Variants in ETFA observed in about 807,000 individuals in gnomAD.
ETFA encodes electron transfer flavoprotein subunit alpha, mitochondrial.
A neutral mutation model predicts 46.2 loss-of-function variants in ETFA; 22 were observed. The ratio of observed to expected loss-of-function variants is 0.48; its 90% CI spans 0.34 to 0.68. The LOEUF (loss-of-function observed/expected upper bound fraction) is 0.68, where lower values mean the gene tolerates loss of function less well. Ranked by LOEUF, ETFA falls within the 30% of genes least tolerant of loss-of-function variation. ETFA has a pLI of 0.01. For missense variants in ETFA, 345 were observed against 401.1 expected, an observed-to-expected ratio of 0.86 and a Z score of 1.19; for synonymous variants, 131 against 139.9, an observed-to-expected ratio of 0.94 and a Z score of 0.45.
intron 9 of ETFA, among the ~76,000 whole-genome samples, chr15:76,241,005 C>G (rs1189762234): frequency 2.0e-5 from 3 of 151,646 alleles, no homozygotes; most frequent in Non-Finnish European, 2.9e-5. Context: ...TGCTTCTATA[C>G]CAGTTCAGAG....
chr15:76,307,438 A>G (rs1454769182), intron 1 of ETFA, among the ~76,000 whole-genome samples: 4 of 152,180 alleles, frequency 2.6e-5, no homozygotes, highest in Non-Finnish European at 4.4e-5. Context: ...CTTATATCCT[A>G]ATAGTTTAAC....
chr15:76,296,595 T>C (rs2141545654), intron 1 of ETFA, among the ~76,000 whole-genome samples: 1 of 152,332 alleles, frequency 6.6e-6, no homozygotes, highest in African/African-American at 2.4e-5. Context: ...TTTTAAAATA[T>C]GACACTAAAC....
At position 76,276,756 on chromosome 15, in the gene ETFA, G is replaced by C. The variant is rs2039596668; in HGVS notation, c.734-2262C>G. On this transcript the variant is annotated intron_variant, in intron 8 of 11. Transcript: ENST00000557943. ...CCAGTCTACTAAGAAGTCCTTAAAA[G>C]GTATACTTCATTTCTGCTACAATGT... Among the ~76,000 whole-genome samples the C allele has an allele frequency of 2.0e-5, 3 of 152,134 alleles. No homozygotes were observed. In the South Asian group the frequency reaches 6.2e-4, roughly 32 times the overall value.
intron 9 of ETFA, among the ~76,000 whole-genome samples, chr15:76,247,944 T>C (rs2039259230): frequency 6.6e-6 from 1 of 152,238 alleles, no homozygotes; most frequent in South Asian, 2.1e-4. Context: ...GATAATAAAA[T>C]ATAGGTCTGA....
intron 1 of ETFA, among the ~76,000 whole-genome samples, chr15:76,307,002 G>T (rs1426188184): frequency 6.6e-6 from 1 of 151,996 alleles, no homozygotes; most frequent in African/African-American, 2.4e-5. Context: ...ATCAATACTA[G>T]ACAGAAAAGT....
At chr15:76,254,135 C>T (rs1051793776) in intron 9 of ETFA, among the ~76,000 whole-genome samples, 3 of 152,140 alleles carry the variant, frequency 2.0e-5, no homozygotes, top group Non-Finnish European at 2.9e-5. Flanking sequence ...AAAGCCAATC[C>T]GAAAGGAGAT....
chr15:76,281,448 CAG>C (rs1371545905), intron 8 of ETFA, among the ~76,000 whole-genome samples: 1 of 149,734 alleles, frequency 6.7e-6, no homozygotes, highest in African/African-American at 2.5e-5. Context: ...TTTTTTGAGA[CAG>C]AGTCTCGCCC....
At chr15:76,256,322 T>C (rs1368701828) in intron 9 of ETFA, among the ~76,000 whole-genome samples, 1 of 150,046 alleles carries the variant, frequency 6.7e-6, no homozygotes, top group Non-Finnish European at 1.5e-5. Flanking sequence ...ATTACATGTA[T>C]ATTTAATATT....
chr15:76,308,874 C>T (rs2039961652), intron 1 of ETFA, among the ~76,000 whole-genome samples: 1 of 152,138 alleles, frequency 6.6e-6, no homozygotes, highest in African/African-American at 2.4e-5. Flanking sequence ...GGCACATTTG[C>T]AACATACTTT....
intron 9 of ETFA, among the ~76,000 whole-genome samples, chr15:76,266,296 AAAT>A (rs2039469724): frequency 6.6e-6 from 1 of 152,334 alleles, no homozygotes; most frequent in Middle Eastern, 3.4e-3. Flanking sequence ...TTCCCGCCAT[AAAT>A]AATAACAAAC....
At chr15:76,310,371 A>AAC (rs2039984291) in intron 1 of ETFA, among the ~76,000 whole-genome samples, 1 of 58,306 alleles carries the variant, frequency 1.7e-5, no homozygotes, top group Non-Finnish European at 3.3e-5. Context: ...CATGCCCAGA[A>AAC]AAAAAAAAAA....
At chr15:76,262,960 ATAG>A (rs1596206465) in intron 9 of ETFA, among the ~76,000 whole-genome samples, 1 of 152,202 alleles carries the variant, frequency 6.6e-6, no homozygotes, top group East Asian at 1.9e-4. Context: ...ATACCTAAGA[ATAG>A]ATGTGTCAGG....
intron 2 of ETFA, among the ~76,000 whole-genome samples, chr15:76,293,831 C>T (rs897726637): frequency 1.3e-5 from 2 of 152,224 alleles, no homozygotes; most frequent in African/African-American, 4.8e-5. Flanking sequence ...ACCATTTGTA[C>T]TACAGAGGCC....
chr15:76,227,788 C>T (rs1261321366), intron 10 of ETFA: 1 of 455,420 alleles, frequency 2.2e-6, no homozygotes, highest in Non-Finnish European at 4.4e-6. Flanking sequence ...ACTTAAAATA[C>T]AGGCTACAGG....
rs753701756 is a variant in ETFA, at chr15:76,292,458, G to A, written c.324C>T (p.Ile108=). ...TTCCGAAGGCAGATGCTCCAGCACA[G>A]ATGTGTGTGTAATTGAACTGCTTCT... ...ATQKQFNYTH[I]CAGASAFGKN... Residue 108 remains isoleucine, a synonymous_variant, in exon 4 of 12, where the codon ATC becomes ATT. Coordinates refer to ENST00000557943, the MANE Select transcript of ETFA (RefSeq NM_000126.4). The A allele has an allele frequency of 1.2e-6, 2 of 1,613,690 alleles. No individual in the cohort carries two copies. The highest frequency in any genetic ancestry group is 2.2e-5 in the South Asian group (2 of 91,084).
chr15:76,297,921 C>T (rs1260293645), intron 1 of ETFA, among the ~76,000 whole-genome samples: 2 of 152,060 alleles, frequency 1.3e-5, no homozygotes, highest in African/African-American at 4.8e-5. Flanking sequence ...CATGGTTATG[C>T]GGCTTAATTC....
At chr15:76,261,453 A>G in intron 9 of ETFA, 3 of 903,822 alleles carry the variant, frequency 3.3e-6, no homozygotes, top group Non-Finnish European at 5.3e-6. Context: ...TCTGGACCAC[A>G]GACCCATCCT....
chr15:76,298,413 A>G (rs1257091697), intron 1 of ETFA, among the ~76,000 whole-genome samples: 1 of 152,198 alleles, frequency 6.6e-6, no homozygotes, highest in African/African-American at 2.4e-5. Context: ...ACCACATGGG[A>G]TAAGGTAGGG....
intron 11 of ETFA, among the ~76,000 whole-genome samples, chr15:76,220,357 T>C (rs1421244465): frequency 6.6e-6 from 1 of 152,266 alleles, no homozygotes; most frequent in East Asian, 1.9e-4. Context: ...TGAGTCACCA[T>C]GCCTGGCTGG....
Sources: allele counts gnomAD v4.1 joint callset (sites outside exome capture counted in the v4.1 genomes callset), GRCh38; gene constraint gnomAD v4.1.1; transcripts MANE v1.5; gene names NCBI Gene and HGNC (gene_info 2026-07-23, HGNC 2026-07-21).